Variants in CDK19 observed in about 807,000 individuals in gnomAD.
CDK19 encodes the protein cyclin-dependent kinase 19.
A neutral mutation model predicts 68.3 loss-of-function variants in CDK19; 20 were observed. That is an observed-to-expected ratio of 0.29 (90% confidence interval 0.21 to 0.43). CDK19 has a LOEUF of 0.43. CDK19 is among the 20% of genes least tolerant of loss of function. The probability of loss-of-function intolerance (pLI) is 1.00; values close to 1 mark genes in which losing one functional copy is unlikely to be tolerated. For missense variants in CDK19, 339 were observed against 623.5 expected, an observed-to-expected ratio of 0.54 and a Z score of 4.86; for synonymous variants, 221 against 222.8, an observed-to-expected ratio of 0.99 and a Z score of 0.07.
At chr6:110,790,500 G>A (rs990501337) in intron 1 of CDK19, among the ~76,000 whole-genome samples, 3 of 151,782 alleles carry the variant, frequency 2.0e-5, no homozygotes, top group East Asian at 1.9e-4. Flanking sequence ...ACACCACTAC[G>A]CTCTAGCCTG....
chr6:110,797,702 A>T (rs1404369485), intron 1 of CDK19, among the ~76,000 whole-genome samples: 1 of 152,174 alleles, frequency 6.6e-6, no homozygotes, highest in Non-Finnish European at 1.5e-5. Flanking sequence ...AAAAATATAT[A>T]GGCAGGGCGC....
chr6:110,730,929 G>A (rs1776699878), intron 2 of CDK19, among the ~76,000 whole-genome samples: 2 of 152,092 alleles, frequency 1.3e-5, no homozygotes, highest in Admixed American at 1.3e-4. Context: ...GCGCATGCCT[G>A]TAATCCCAGC....
At chr6:110,676,329 ACTC>A (rs2114485674) in intron 2 of CDK19, among the ~76,000 whole-genome samples, 1 of 152,288 alleles carries the variant, frequency 6.6e-6, no homozygotes, top group South Asian at 2.1e-4. Flanking sequence ...GATGGAATCT[ACTC>A]CTGGTGAAGA....
chr6:110,761,792 C>T (rs1419522504), intron 1 of CDK19, among the ~76,000 whole-genome samples: 1 of 152,142 alleles, frequency 6.6e-6, no homozygotes, highest in Non-Finnish European at 1.5e-5. Context: ...CAACTAAATA[C>T]TAAGTTCATT....
intron 1 of CDK19, among the ~76,000 whole-genome samples, chr6:110,758,349 G>A (rs1017362563): frequency 2.6e-5 from 4 of 152,170 alleles, no homozygotes; most frequent in Non-Finnish European, 4.4e-5. Flanking sequence ...AGAGCTCATC[G>A]AATTTAACAG....
intron 1 of CDK19, among the ~76,000 whole-genome samples, chr6:110,774,106 T>C (rs557079276): frequency 6.6e-5 from 10 of 152,346 alleles, no homozygotes; most frequent in Non-Finnish European, 1.3e-4. Flanking sequence ...ACATTCACAA[T>C]TAATTATATA....
chr6:110,641,605 A>AG (rs1284062418), intron 4 of CDK19, among the ~76,000 whole-genome samples: 1 of 149,698 alleles, frequency 6.7e-6, no homozygotes, highest in East Asian at 2.1e-4. Context: ...AAAAAAAAAA[A>AG]AAAAAGAAAA....
chr6:110,623,739 T>TATATATATATACATATATATATACAC (rs1778866366), intron 8 of CDK19, among the ~76,000 whole-genome samples: 1 of 24,562 alleles, frequency 4.1e-5, no homozygotes, highest in East Asian at 0.011. Flanking sequence ...TAATGGCCAA[T>TATATATATATACATATATATATACAC]ATATATATAT....
chr6:110,640,192 A>C (rs1196159957), intron 4 of CDK19, among the ~76,000 whole-genome samples: 1 of 141,078 alleles, frequency 7.1e-6, no homozygotes, highest in Non-Finnish European at 1.5e-5. Context: ...TGATTATGCC[A>C]CTGCACTCCA....
At chr6:110,766,140 C>G (rs1441561482) in intron 1 of CDK19, among the ~76,000 whole-genome samples, 1 of 152,196 alleles carries the variant, frequency 6.6e-6, no homozygotes, top group African/African-American at 2.4e-5. Flanking sequence ...AAAGAGATAG[C>G]TGCACTCCTA....
intron 2 of CDK19, among the ~76,000 whole-genome samples, chr6:110,725,987 A>G (rs768691486): frequency 6.6e-6 from 1 of 151,938 alleles, no homozygotes; most frequent in African/African-American, 2.4e-5. Flanking sequence ...TTTTTTTTCA[A>G]TCCAACTTGT....
intron 1 of CDK19, chr6:110,814,598 TG>T (rs1562310675): frequency 4.3e-6 from 2 of 461,650 alleles, no homozygotes; most frequent in Non-Finnish European, 8.7e-6. Context: ...CTCAGCCGAT[TG>T]GAAGTTCCAC....
At chr6:110,706,777 T>C (rs1051267112) in intron 2 of CDK19, 1 of 182,728 alleles carries the variant, frequency 5.5e-6, no homozygotes. Context: ...GACACTCCTG[T>C]TTGAAATTTT....
intron 12 of CDK19, among the ~76,000 whole-genome samples, chr6:110,616,683 A>G (rs1053369550): frequency 1.3e-5 from 2 of 151,702 alleles, no homozygotes; most frequent in Admixed American, 1.3e-4. Context: ...AAAAAAAAAC[A>G]AAACAAAACT....
chr6:110,732,898 C>G (rs1039715590), intron 2 of CDK19, among the ~76,000 whole-genome samples: 5 of 152,058 alleles, frequency 3.3e-5, no homozygotes, highest in Non-Finnish European at 5.9e-5. Context: ...GAAACCCCAT[C>G]TCTATTAAAA....
chr6:110,687,579 G>A (rs898315466), intron 2 of CDK19, among the ~76,000 whole-genome samples: 4 of 152,196 alleles, frequency 2.6e-5, no homozygotes, highest in Non-Finnish European at 4.4e-5. Flanking sequence ...TAAGAAAACT[G>A]GGTACGTGTT....
intron 2 of CDK19, among the ~76,000 whole-genome samples, chr6:110,738,551 A>G (rs1354252812): frequency 6.6e-6 from 1 of 152,072 alleles, no homozygotes; most frequent in African/African-American, 2.4e-5. Flanking sequence ...CAAACAAAAT[A>G]TAAAAACAAC....
At chr6:110,774,480 A>AG (rs1470489808) in intron 1 of CDK19, among the ~76,000 whole-genome samples, 1 of 152,230 alleles carries the variant, frequency 6.6e-6, no homozygotes, top group African/African-American at 2.4e-5. Context: ...AAAGGGACAG[A>AG]GGAGGACAGC....
rs936750114 is a variant in CDK19 at position 110,611,737 on chromosome 6, G to A, written c.*2798C>T. 1.3e-5 allele frequency: 2 copies of A among 151,802 alleles called. No individual in the cohort carries two copies. The highest frequency in any genetic ancestry group is 2.1e-4 in the South Asian group (1 of 4,824). The allele number at this position is 151,802 out of a possible 1,614,324, so 9.4% of individuals were successfully genotyped here. On this transcript the variant is annotated 3_prime_UTR_variant, in exon 13 of 13. Coordinates refer to ENST00000368911, the MANE Select transcript of CDK19 (RefSeq NM_015076.5). ...GAAGGTGGAGGTTGGAGTGAGCCAA[G>A]ATCGTGCCACTGCACTCCAGCTTGG...
Sources: allele counts gnomAD v4.1 joint callset (sites outside exome capture counted in the v4.1 genomes callset), GRCh38; gene constraint gnomAD v4.1.1; transcripts MANE v1.5; gene names NCBI Gene and HGNC (gene_info 2026-07-23, HGNC 2026-07-21).